The following RMDN2 variants were observed in gnomAD, a reference collection of about 807,000 sequenced individuals.
RMDN2 encodes regulator of microtubule dynamics 2.
RMDN2 carries 61 observed loss-of-function variants against 52.8 expected under a neutral mutation model. The observed-to-expected ratio is 1.16, with a 90% CI of 0.94 to 1.43. The LOEUF is 1.43. Ranked by LOEUF, RMDN2 falls within the 40% of genes most tolerant of loss-of-function variation. RMDN2 has a pLI of 0.00. For missense variants in RMDN2, 592 were observed against 475.3 expected, an observed-to-expected ratio of 1.25 and a Z score of -2.28; for synonymous variants, 180 against 153.1, an observed-to-expected ratio of 1.18 and a Z score of -1.30.
At chr2:37,966,324 G>A (rs1386738546) in intron 2 of RMDN2, among the ~76,000 whole-genome samples, 2 of 152,076 alleles carry the variant, frequency 1.3e-5, no homozygotes, top group Non-Finnish European at 2.9e-5. Flanking sequence ...GGCTGAGGCA[G>A]GAGAATGGCA....
chr2:37,951,488 C>T (rs760132190), intron 2 of RMDN2: 24 of 1,612,022 alleles, frequency 1.5e-5, no homozygotes, highest in Non-Finnish European at 1.8e-5. Flanking sequence ...CTTCCCCTTA[C>T]TGGCAACAAA....
At chr2:37,975,759 G>A (rs1310853931) in intron 4 of RMDN2, among the ~76,000 whole-genome samples, 1 of 152,056 alleles carries the variant, frequency 6.6e-6, no homozygotes, top group South Asian at 2.1e-4. Context: ...AATTATCTTA[G>A]CTAAAACCAG....
At chr2:38,007,764 C>T (rs987670354) in intron 10 of RMDN2, among the ~76,000 whole-genome samples, 9 of 152,072 alleles carry the variant, frequency 5.9e-5, no homozygotes, top group African/African-American at 1.7e-4. Context: ...AATGTGTTTA[C>T]TCTTGCTTCT....
chr2:37,978,478 C>G (rs1162222730), intron 4 of RMDN2, among the ~76,000 whole-genome samples: 1 of 152,106 alleles, frequency 6.6e-6, no homozygotes, highest in East Asian at 1.9e-4. Flanking sequence ...GGAGGCAGCA[C>G]TAGTCAAATA....
At chr2:37,936,616 T>A (rs975855110) in intron 2 of RMDN2, among the ~76,000 whole-genome samples, 12 of 152,226 alleles carry the variant, frequency 7.9e-5, no homozygotes, top group African/African-American at 2.9e-4. Flanking sequence ...CTCATTGTGG[T>A]TTTGATTTGC....
At chr2:38,041,484 A>C (rs1266770735) in intron 10 of RMDN2, among the ~76,000 whole-genome samples, 1 of 128,892 alleles carries the variant, frequency 7.8e-6, no homozygotes, top group African/African-American at 3.0e-5. Context: ...ATGATGTTGA[A>C]TAAGACTGGT....
chr2:37,941,616 C>T (rs1431285371), intron 2 of RMDN2, among the ~76,000 whole-genome samples: 1 of 152,214 alleles, frequency 6.6e-6, no homozygotes, highest in African/African-American at 2.4e-5. Flanking sequence ...TCTAGAGAGG[C>T]AGTCTGGCTA....
At chr2:37,957,383 G>C (rs969579971) in intron 2 of RMDN2, among the ~76,000 whole-genome samples, 3 of 152,194 alleles carry the variant, frequency 2.0e-5, no homozygotes, top group Non-Finnish European at 4.4e-5. Context: ...TTGTGGTTTT[G>C]ATTTGCATTT....
At chr2:38,037,036 T>C (rs1680632680) in intron 10 of RMDN2, among the ~76,000 whole-genome samples, 1 of 152,186 alleles carries the variant, frequency 6.6e-6, no homozygotes, top group Admixed American at 6.5e-5. Context: ...CCTAGAAATT[T>C]TGGCTTCTAG....
intron 10 of RMDN2, among the ~76,000 whole-genome samples, chr2:38,056,679 G>A (rs1681865899): frequency 6.6e-6 from 1 of 152,140 alleles, no homozygotes; most frequent in African/African-American, 2.4e-5. Context: ...AATGAATTTT[G>A]TTTGATTAGG....
At chr2:37,992,444 T>G (rs1296793879) in intron 7 of RMDN2, among the ~76,000 whole-genome samples, 2 of 152,250 alleles carry the variant, frequency 1.3e-5, no homozygotes, top group African/African-American at 2.4e-5. Context: ...CAATGATGCC[T>G]TCATTCTCTG....
chr2:37,935,465 G>T (rs188057182), intron 2 of RMDN2, among the ~76,000 whole-genome samples: 262 of 152,290 alleles, frequency 1.7e-3, no homozygotes, highest in Non-Finnish European at 2.2e-3. Context: ...TCATTGTGTG[G>T]TGATTTATAT....
intron 10 of RMDN2, among the ~76,000 whole-genome samples, chr2:38,049,924 A>G (rs1490165038): frequency 6.6e-6 from 1 of 152,182 alleles, no homozygotes; most frequent in Non-Finnish European, 1.5e-5. Context: ...ACTGTCAGTA[A>G]TTATTATTGT....
chr2:38,021,549 G>C (rs1013622398), downstream of RMDN2, among the ~76,000 whole-genome samples: 1 of 151,988 alleles, frequency 6.6e-6, no homozygotes, highest in African/African-American at 2.4e-5. Flanking sequence ...AAGAAACTCC[G>C]AACACATCCG....
At chr2:37,932,461 T>C (rs1666846078) in intron 2 of RMDN2, among the ~76,000 whole-genome samples, 1 of 150,606 alleles carries the variant, frequency 6.6e-6, no homozygotes. Context: ...CATGTCTACC[T>C]CTTTCTACAC....
intron 2 of RMDN2, among the ~76,000 whole-genome samples, chr2:37,972,974 GT>G (rs1360047637): frequency 7.2e-5 from 11 of 152,150 alleles, no homozygotes; most frequent in African/African-American, 2.7e-4. Context: ...TGCTTTGTTA[GT>G]TTTTTTGTTT....
intron 3 of RMDN2, 172 bp from the exon 4 acceptor site, chr2:37,975,040 A>C (rs182919783): frequency 1.6e-6 from 1 of 606,724 alleles, no homozygotes; most frequent in African/African-American, 1.9e-5. Flanking sequence ...TTTCTTAGCC[A>C]TGAGTATTTG....
At chr2:38,019,731 C>G (rs1679197008), downstream of RMDN2, among the ~76,000 whole-genome samples, 1 of 151,958 alleles carries the variant, frequency 6.6e-6, no homozygotes, top group Admixed American at 6.6e-5. Flanking sequence ...CTCAGGAGTT[C>G]AAGACAAGCC....
chr2:38,000,510 T>C (rs1676171569), intron 8 of RMDN2, among the ~76,000 whole-genome samples: 2 of 152,146 alleles, frequency 1.3e-5, no homozygotes, highest in Non-Finnish European at 2.9e-5. Context: ...ATTTCCCCCA[T>C]CTCCTGCCCC....
Sources: gnomAD v4.1 joint callset for allele counts (sites outside exome capture counted in the v4.1 genomes callset) on GRCh38, gnomAD v4.1.1 for gene constraint, MANE v1.5 for transcripts, NCBI Gene and HGNC (gene_info 2026-07-23, HGNC 2026-07-21) for gene names.